The following FARS2 variants were observed in gnomAD, a reference collection of about 807,000 sequenced individuals.
FARS2 encodes the protein phenylalanyl-tRNA synthetase 2, mitochondrial.
FARS2 carries 40 observed loss-of-function variants against 46.4 expected under a neutral mutation model. The ratio of observed to expected loss-of-function variants is 0.86; its 90% confidence interval spans 0.67 to 1.12. The LOEUF (loss-of-function observed/expected upper bound fraction) is 1.12. FARS2 is among the 50% of genes most tolerant of loss of function. FARS2 has a pLI of 0.00. For synonymous variants in FARS2, 234 were observed against 214.9 expected (o/e 1.09, Z -0.78); for missense variants, 513 against 567.9 (o/e 0.90, Z 0.98).
chr6:5,613,131 A>G lies in FARS2; in HGVS notation c.1066-38A>G, dbSNP rs781152199. ...AAAATTTAAATATTCTCATTCAACT[A>G]ACAAGTTCATGTATCTTTTCTCCTC... On this transcript the variant is annotated intron_variant, in intron 5 of 6. Coordinates refer to ENST00000274680, the MANE Select transcript of FARS2 (RefSeq NM_006567.5). The G allele has an allele frequency of 3.0e-5, 48 of 1,574,810 alleles. 1 individual carries two copies. The Admixed American group carries it at 4.2e-4, about 14-fold the overall frequency.
Position 5,361,401 on chromosome 6 carries a change from C to T in FARS2, c.-21-7149C>T, listed in dbSNP as rs566719907. On this transcript the variant is annotated intron_variant, in intron 1 of 6. Coordinates refer to ENST00000274680, the MANE Select transcript of FARS2 (RefSeq NM_006567.5). ...TGTGTTTAACTTCTGTCTTCATTTA[C>T]ATTATTTCCTTGTGATAGATTCCCA... Among the ~76,000 whole-genome samples, 117 of 152,210 alleles carry T rather than the reference C, an allele frequency of 7.7e-4. 1 individual carries two copies. Among genetic ancestry groups the T allele is most frequent in the African/African-American group, 2.6e-3 (108 of 41,524 alleles).
At chr6:5,361,811 C>T (rs962144754) in intron 1 of FARS2, among the ~76,000 whole-genome samples, 1 of 152,192 alleles carries the variant, frequency 6.6e-6, no homozygotes. Flanking sequence ...TCACCATTGG[C>T]TATTTCCCTG....
At chr6:5,694,843 C>CAAAAAAAG (rs763025406) in intron 6 of FARS2, 1 of 126,034 alleles carries the variant, frequency 7.9e-6, no homozygotes, top group African/African-American at 3.0e-5. Flanking sequence ...CACACCTCTA[C>CAAAAAAAG]AAAAAAAAAA....
At chr6:5,654,584 C>T (rs542123442) in intron 6 of FARS2, among the ~76,000 whole-genome samples, 2 of 152,138 alleles carry the variant, frequency 1.3e-5, no homozygotes, top group Non-Finnish European at 2.9e-5. Context: ...AGACCTGCTA[C>T]TCTTCAAGGG....
At chr6:5,754,314 C>T (rs558057081) in intron 6 of FARS2, among the ~76,000 whole-genome samples, 13 of 152,280 alleles carry the variant, frequency 8.5e-5, no homozygotes, top group Admixed American at 7.8e-4. Flanking sequence ...AGGGAGTAGT[C>T]GGATCTCTGG....
chr6:5,365,491 G>A (rs1297296004), intron 1 of FARS2, among the ~76,000 whole-genome samples: 1 of 148,784 alleles, frequency 6.7e-6, no homozygotes, highest in African/African-American at 2.5e-5. Context: ...CACCATACCC[G>A]GCTAATTTAT....
chr6:5,510,307 G>A (rs949982495), intron 4 of FARS2, among the ~76,000 whole-genome samples: 3 of 152,124 alleles, frequency 2.0e-5, no homozygotes, highest in Admixed American at 6.5e-5. Context: ...TGCCTGGGTC[G>A]ACCCCTTAGG....
intron 4 of FARS2, among the ~76,000 whole-genome samples, chr6:5,495,685 TA>T (rs1200978896): frequency 6.6e-6 from 1 of 152,240 alleles, no homozygotes; most frequent in African/African-American, 2.4e-5. Context: ...TATCCAAAAT[TA>T]AACCAGTAAT....
chr6:5,329,477 T>A (rs1310069089), intron 1 of FARS2, among the ~76,000 whole-genome samples: 3 of 152,142 alleles, frequency 2.0e-5, no homozygotes, highest in African/African-American at 7.2e-5. Flanking sequence ...AAATTTTTTT[T>A]ATGTCAACCA....
intron 6 of FARS2, among the ~76,000 whole-genome samples, chr6:5,647,739 A>G (rs1288316641): frequency 6.6e-6 from 1 of 152,250 alleles, no homozygotes; most frequent in Non-Finnish European, 1.5e-5. Flanking sequence ...TAACAAAGAC[A>G]GGTTAAATGC....
At chr6:5,655,884 A>G (rs539733857) in intron 6 of FARS2, among the ~76,000 whole-genome samples, 1 of 152,334 alleles carries the variant, frequency 6.6e-6, no homozygotes, top group South Asian at 2.1e-4. Flanking sequence ...CTGAGTATTT[A>G]TGGACCAGGT....
At chr6:5,265,940 A>T (rs1282651566) in intron 1 of FARS2, among the ~76,000 whole-genome samples, 2 of 152,028 alleles carry the variant, frequency 1.3e-5, no homozygotes, top group Non-Finnish European at 2.9e-5. Context: ...ATTTTTTTTT[A>T]AAATTCTCTC....
At chr6:5,579,110 A>G (rs933656371) in intron 5 of FARS2, among the ~76,000 whole-genome samples, 6 of 152,222 alleles carry the variant, frequency 3.9e-5, no homozygotes, top group African/African-American at 1.4e-4. Context: ...AATGCTTTAC[A>G]TGTATTTAAG....
At chr6:5,295,871 G>T (rs1351177159) in intron 1 of FARS2, among the ~76,000 whole-genome samples, 3 of 152,056 alleles carry the variant, frequency 2.0e-5, no homozygotes, top group South Asian at 4.1e-4. Context: ...TAGCTCCAAG[G>T]GGGAGAATCA....
intron 3 of FARS2, among the ~76,000 whole-genome samples, chr6:5,429,559 A>G (rs889015024): frequency 1.4e-4 from 22 of 152,180 alleles, no homozygotes; most frequent in African/African-American, 1.2e-4. Context: ...TAATCCCAGC[A>G]CTTTGGGAGT....
chr6:5,730,050 C>G (rs1760520602), intron 6 of FARS2, among the ~76,000 whole-genome samples: 1 of 152,218 alleles, frequency 6.6e-6, no homozygotes, highest in South Asian at 2.1e-4. Context: ...AGATAAGAAC[C>G]ACTGGTCTAC....
intron 1 of FARS2, among the ~76,000 whole-genome samples, chr6:5,350,547 C>T (rs979281143): frequency 3.9e-5 from 6 of 152,022 alleles, no homozygotes; most frequent in Admixed American, 6.6e-5. Context: ...AGTTTATTTT[C>T]GACAAAAGCC....
intron 1 of FARS2, among the ~76,000 whole-genome samples, chr6:5,269,608 C>T (rs958277965): frequency 1.3e-5 from 2 of 152,104 alleles, no homozygotes; most frequent in African/African-American, 4.8e-5. Flanking sequence ...TAGCCGCCAT[C>T]TCTTGTTTGT....
chr6:5,613,838 A>G (rs1215916973), intron 6 of FARS2, among the ~76,000 whole-genome samples: 1 of 152,222 alleles, frequency 6.6e-6, no homozygotes, highest in Non-Finnish European at 1.5e-5. Context: ...GCATGCTATT[A>G]TGAGGGAAAA....
Sources: allele counts gnomAD v4.1 joint callset (sites outside exome capture counted in the v4.1 genomes callset), GRCh38; gene constraint gnomAD v4.1.1; transcripts MANE v1.5; gene names NCBI Gene and HGNC (gene_info 2026-07-23, HGNC 2026-07-21).